Variants in SLC26A7 observed in about 807,000 individuals in gnomAD.
SLC26A7 encodes the protein anion exchange transporter.
Under a neutral mutation model 82.5 loss-of-function variants are expected in SLC26A7, and 59 were observed. The observed-to-expected ratio is 0.72, with a 90% CI of 0.58 to 0.89. The LOEUF is 0.89. SLC26A7 is among the 40% of genes least tolerant of loss of function. The pLI is 0.00. For synonymous variants in SLC26A7, 271 were observed against 274.3 expected (o/e 0.99, Z 0.12); for missense variants, 820 against 793.0 (o/e 1.03, Z -0.41).
At chr8:91,328,032 G>A (rs377532257) in intron 5 of SLC26A7, among the ~76,000 whole-genome samples, 17 of 152,140 alleles carry the variant, frequency 1.1e-4, no homozygotes, top group Non-Finnish European at 1.6e-4. Flanking sequence ...GAATGCAGAG[G>A]AAAGTAATGT....
chr8:91,220,509 A>G (rs1178242809), intron 2 of SLC26A7, among the ~76,000 whole-genome samples: 1 of 151,412 alleles, frequency 6.6e-6, no homozygotes, highest in African/African-American at 2.4e-5. Context: ...CTCATCCCCT[A>G]TCCCCCAGCA....
intron 5 of SLC26A7, among the ~76,000 whole-genome samples, chr8:91,325,635 T>A (rs1812912172): frequency 6.6e-6 from 1 of 152,054 alleles, no homozygotes; most frequent in Non-Finnish European, 1.5e-5. Flanking sequence ...AGCAGCCAGG[T>A]GCCATTGAAT....
At chr8:91,394,428 T>C in intron 18 of SLC26A7, 1 of 1,420,532 alleles carries the variant, frequency 7.0e-7, no homozygotes, top group Non-Finnish European at 9.2e-7. Context: ...ATATCTTGCC[T>C]CTAAGCTTAT....
rs181639813 is a variant in SLC26A7, at chr8:91,357,210, A to G, written c.1314+4214A>G. 369 of 152,292 alleles carry G rather than the reference A, an allele frequency of 2.4e-3. 1 individual carries two copies. The highest frequency in any genetic ancestry group is 7.9e-3 in the African/African-American group (329 of 41,562). The allele number at this position is 152,292 out of a possible 1,614,324, so 9.4% of individuals were successfully genotyped here. A position where few individuals can be genotyped will look rare whatever the true frequency, so the allele number is the denominator to read the frequency against. The stretch of plus-strand genomic sequence containing the variant: ...CTAAAAGCTCTTACCAGATTATTGC[A>G]TAGAATTTTCAGGATTCTGGCATTT... On this transcript the variant is annotated intron_variant, in intron 11 of 18. Coordinates refer to ENST00000276609, the MANE Select transcript of SLC26A7 (RefSeq NM_052832.4).
intron 1 of SLC26A7, among the ~76,000 whole-genome samples, chr8:91,209,874 C>T (rs1348342089): frequency 1.3e-5 from 2 of 152,152 alleles, no homozygotes; most frequent in Non-Finnish European, 2.9e-5. Context: ...TTTCCACTTA[C>T]AAAATGCTTT....
chr8:91,290,102 A>C (rs1811823989), intron 3 of SLC26A7, among the ~76,000 whole-genome samples: 1 of 152,216 alleles, frequency 6.6e-6, no homozygotes. Flanking sequence ...AGCTATTATT[A>C]TTATTACAAA....
At chr8:91,333,248 T>C (rs147215868) in intron 5 of SLC26A7, among the ~76,000 whole-genome samples, 1 of 152,340 alleles carries the variant, frequency 6.6e-6, no homozygotes, top group East Asian at 1.9e-4. Flanking sequence ...ACTTTACTCT[T>C]ACATTGATCC....
At chr8:91,292,185 G>C (rs913431885) in intron 3 of SLC26A7, among the ~76,000 whole-genome samples, 3 of 151,922 alleles carry the variant, frequency 2.0e-5, no homozygotes, top group African/African-American at 7.3e-5. Flanking sequence ...GGCACCTGTA[G>C]TCCCAGCTAC....
chr8:91,262,974 C>T (rs1811009434), intron 2 of SLC26A7, among the ~76,000 whole-genome samples: 1 of 152,012 alleles, frequency 6.6e-6, no homozygotes, highest in Admixed American at 6.6e-5. Flanking sequence ...CCATGTACCA[C>T]TATGCATAAA....
chr8:91,235,421 T>C (rs1163094457), intron 2 of SLC26A7, among the ~76,000 whole-genome samples: 1 of 152,168 alleles, frequency 6.6e-6, no homozygotes, highest in Non-Finnish European at 1.5e-5. Context: ...TAATAAATTA[T>C]CCATGTTCAT....
At chr8:91,380,338 C>T (rs755172875) in intron 15 of SLC26A7, among the ~76,000 whole-genome samples, 8 of 152,064 alleles carry the variant, frequency 5.3e-5, no homozygotes, top group South Asian at 4.2e-4. Context: ...ACTCTAAACA[C>T]GAAATTAATT....
intron 2 of SLC26A7, among the ~76,000 whole-genome samples, chr8:91,227,679 T>A (rs1449509179): frequency 6.6e-6 from 1 of 152,180 alleles, no homozygotes; most frequent in Non-Finnish European, 1.5e-5. Flanking sequence ...AATAAACCAT[T>A]ATGTATATTA....
intron 5 of SLC26A7, among the ~76,000 whole-genome samples, chr8:91,333,388 T>G (rs1353510545): frequency 6.6e-6 from 1 of 152,178 alleles, no homozygotes; most frequent in East Asian, 1.9e-4. Flanking sequence ...GGCTGCACAC[T>G]TTTAAAGACA....
At chr8:91,357,109 A>G (rs1198682142) in intron 11 of SLC26A7, 1 of 152,228 alleles carries the variant, frequency 6.6e-6, no homozygotes, top group African/African-American at 2.4e-5. Flanking sequence ...ATCTGGTATC[A>G]AATAAATCTC....
At chr8:91,213,954 A>T (rs1353547102) in intron 1 of SLC26A7, among the ~76,000 whole-genome samples, 3 of 152,116 alleles carry the variant, frequency 2.0e-5, no homozygotes, top group Non-Finnish European at 4.4e-5. Context: ...AGGGGTTTGA[A>T]CTTGATCTTG....
chr8:91,341,962 T>TCTGGC (rs1813429463), intron 8 of SLC26A7, among the ~76,000 whole-genome samples: 1 of 152,104 alleles, frequency 6.6e-6, no homozygotes, highest in Non-Finnish European at 1.5e-5. Context: ...CAAACCTCAC[T>TCTGGC]CTGTTGGCCA....
At chr8:91,300,106 C>A (rs1362985990) in intron 4 of SLC26A7, among the ~76,000 whole-genome samples, 1 of 152,136 alleles carries the variant, frequency 6.6e-6, no homozygotes, top group African/African-American at 2.4e-5. Context: ...TTGATTTGTC[C>A]TGTCCAAGAA....
At chr8:91,225,526 T>C (rs1194520211) in intron 2 of SLC26A7, among the ~76,000 whole-genome samples, 1 of 151,502 alleles carries the variant, frequency 6.6e-6, no homozygotes, top group Admixed American at 6.6e-5. Flanking sequence ...CCTGGATACC[T>C]TGGTTGCCGG....
chr8:91,301,824 T>G (rs1812175172), intron 4 of SLC26A7, among the ~76,000 whole-genome samples: 1 of 152,016 alleles, frequency 6.6e-6, no homozygotes, highest in African/African-American at 2.4e-5. Context: ...TTTTTATTGA[T>G]AAAAGCACAT....
Sources: allele counts gnomAD v4.1 joint callset (sites outside exome capture counted in the v4.1 genomes callset), GRCh38; gene constraint gnomAD v4.1.1; transcripts MANE v1.5; gene names NCBI Gene and HGNC (gene_info 2026-07-23, HGNC 2026-07-21).